ST3GAL3: variants seen among roughly 807,000 people sequenced by gnomAD.
ST3GAL3 encodes the protein ST3 beta-galactoside alpha-2,3-sialyltransferase 3.
ST3GAL3 carries 21 observed loss-of-function variants against 50.1 expected under a neutral mutation model. The ratio of observed to expected loss-of-function variants is 0.42; its 90% CI spans 0.30 to 0.60. The LOEUF (loss-of-function observed/expected upper bound fraction) is 0.60, where lower values mean the gene tolerates loss of function less well. Among genes scored for constraint, ST3GAL3 ranks in the 20% least tolerant of loss-of-function variants. The pLI is 0.19. For synonymous variants in ST3GAL3, 183 were observed against 190.0 expected (o/e 0.96, Z 0.30); for missense variants, 353 against 489.4 (o/e 0.72, Z 2.63).
rs1238766884 is a variant in ST3GAL3, at chr1:43,894,211, A to G, written c.303-172A>G. On this transcript the variant is annotated intron_variant, in intron 5 of 11. Transcript: ENST00000347631. ...TCAGACTCAGGCTCCACTGAACAAG[A>G]TCTGTCAAACCCCTCGACAGCTACC... The G allele has an allele frequency of 4.3e-6, 3 of 693,986 alleles. No homozygotes were observed. The Admixed American group carries it at 6.1e-5, about 14-fold the overall frequency. 43.0% of individuals were successfully genotyped at this position (693,986 alleles called of 1,614,324 possible). A position where few individuals can be genotyped will look rare whatever the true frequency, so the allele number is the denominator to read the frequency against.
intron 2 of ST3GAL3, among the ~76,000 whole-genome samples, chr1:43,739,923 G>A (rs941683703): frequency 1.3e-5 from 2 of 152,088 alleles, no homozygotes; most frequent in East Asian, 1.9e-4. Context: ...AAAAAGTAGT[G>A]TAGAATTATT....
intron 4 of ST3GAL3, among the ~76,000 whole-genome samples, chr1:43,820,186 C>A (rs1261986686): frequency 6.6e-6 from 1 of 152,004 alleles, no homozygotes; most frequent in Non-Finnish European, 1.5e-5. Context: ...TCAACAAAGC[C>A]TACAAAAATA....
chr1:43,751,756 G>A (rs1686190925), intron 2 of ST3GAL3, among the ~76,000 whole-genome samples: 2 of 152,106 alleles, frequency 1.3e-5, no homozygotes, highest in Non-Finnish European at 2.9e-5. Context: ...ATGAATATAG[G>A]CCTGTCCTAC....
intron 2 of ST3GAL3, among the ~76,000 whole-genome samples, chr1:43,748,220 T>A (rs1259215264): frequency 6.6e-6 from 1 of 152,030 alleles, no homozygotes; most frequent in African/African-American, 2.4e-5. Context: ...AAAATAAGAT[T>A]AAACAACATT....
intron 11 of ST3GAL3, among the ~76,000 whole-genome samples, chr1:43,929,409 A>G (rs930979286): frequency 1.3e-5 from 2 of 151,516 alleles, no homozygotes; most frequent in Admixed American, 6.6e-5. Flanking sequence ...GGTTCAAGCG[A>G]TTCTCCTGCC....
chr1:43,756,642 G>A (rs1356945160), intron 2 of ST3GAL3, among the ~76,000 whole-genome samples: 1 of 152,092 alleles, frequency 6.6e-6, no homozygotes, highest in Non-Finnish European at 1.5e-5. Context: ...TAAAAGTGAA[G>A]ACTTGATTTA....
intron 1 of ST3GAL3, among the ~76,000 whole-genome samples, chr1:43,711,232 A>G (rs1267776222): frequency 1.3e-5 from 2 of 152,248 alleles, no homozygotes; most frequent in African/African-American, 4.8e-5. Flanking sequence ...AGTGTACAGG[A>G]AACTCTTCAC....
At chr1:43,743,698 C>T in intron 2 of ST3GAL3, 1 of 241,194 alleles carries the variant, frequency 4.1e-6, no homozygotes, top group Non-Finnish European at 8.3e-6. Context: ...GTTCCAGTAG[C>T]AGACAGGTGT....
At chr1:43,802,049 G>A (rs1406786324) in intron 3 of ST3GAL3, among the ~76,000 whole-genome samples, 1 of 152,004 alleles carries the variant, frequency 6.6e-6, no homozygotes, top group African/African-American at 2.4e-5. Context: ...TGAGCAAAAT[G>A]AAACACAAAG....
chr1:43,817,139 T>G (rs1034798932), intron 4 of ST3GAL3, among the ~76,000 whole-genome samples: 3 of 152,236 alleles, frequency 2.0e-5, no homozygotes, highest in African/African-American at 7.2e-5. Context: ...TTACATGACC[T>G]TAGATAATTA....
intron 9 of ST3GAL3, among the ~76,000 whole-genome samples, chr1:43,910,193 T>C (rs2080557065): frequency 6.6e-6 from 1 of 152,168 alleles, no homozygotes; most frequent in Non-Finnish European, 1.5e-5. Context: ...CCTAAGGGGT[T>C]TTTTTATGTG....
At chr1:43,879,333 A>C (rs1365634452) in intron 5 of ST3GAL3, 3 of 456,054 alleles carry the variant, frequency 6.6e-6, no homozygotes, top group South Asian at 3.1e-5. Flanking sequence ...TTTTGGAGAC[A>C]GTGAGAAGGT....
intron 5 of ST3GAL3, among the ~76,000 whole-genome samples, chr1:43,845,844 T>C (rs1251234424): frequency 6.6e-6 from 1 of 152,214 alleles, no homozygotes; most frequent in East Asian, 1.9e-4. Context: ...TTTTTATCTT[T>C]GTTGAGTTAA....
At chr1:43,861,695 C>G (rs1349607821) in intron 5 of ST3GAL3, among the ~76,000 whole-genome samples, 1 of 152,200 alleles carries the variant, frequency 6.6e-6, no homozygotes, top group African/African-American at 2.4e-5. Context: ...GCCTGCTAGT[C>G]CCCCAACCTG....
intron 3 of ST3GAL3, among the ~76,000 whole-genome samples, chr1:43,805,274 C>T (rs541498850): frequency 3.3e-5 from 5 of 152,236 alleles, no homozygotes; most frequent in South Asian, 2.1e-4. Context: ...TCCCTCGTGT[C>T]GCTGAGTTTA....
chr1:43,742,454 CA>C (rs1262522655), intron 2 of ST3GAL3, among the ~76,000 whole-genome samples: 6 of 152,166 alleles, frequency 3.9e-5, no homozygotes, highest in Non-Finnish European at 7.4e-5. Flanking sequence ...TCAGGGCCGT[CA>C]GGTAGTCATT....
At chr1:43,921,920 G>A (rs774272411) in intron 11 of ST3GAL3, 9 of 396,980 alleles carry the variant, frequency 2.3e-5, no homozygotes, top group East Asian at 3.6e-5. Context: ...TGGACACAAC[G>A]TCATCTTTCC....
intron 2 of ST3GAL3, among the ~76,000 whole-genome samples, chr1:43,773,616 C>T (rs921398613): frequency 6.6e-6 from 1 of 152,132 alleles, no homozygotes; most frequent in Non-Finnish European, 1.5e-5. Context: ...TTTTTCTGTA[C>T]AATTTGAAAG....
At chr1:43,844,845 A>G (rs2065979756) in intron 5 of ST3GAL3, among the ~76,000 whole-genome samples, 1 of 151,746 alleles carries the variant, frequency 6.6e-6, no homozygotes, top group Admixed American at 6.6e-5. Flanking sequence ...AAAAAAGACT[A>G]GATATTAGAA....
Sources: allele counts gnomAD v4.1 joint callset (sites outside exome capture counted in the v4.1 genomes callset), GRCh38; gene constraint gnomAD v4.1.1; transcripts MANE v1.5; gene names NCBI Gene and HGNC (gene_info 2026-07-23, HGNC 2026-07-21).